Variants in ST8SIA6 observed in about 807,000 individuals in gnomAD.
ST8SIA6 encodes the protein ST8 alpha-N-acetyl-neuraminide alpha-2,8-sialyltransferase 6.
Under a neutral mutation model 33.6 loss-of-function variants are expected in ST8SIA6, and 39 were observed. That is an observed-to-expected ratio of 1.16 (90% CI 0.90 to 1.52). The LOEUF (loss-of-function observed/expected upper bound fraction) is 1.52, where lower values mean the gene tolerates loss of function less well. Ranked by LOEUF, ST8SIA6 falls within the 40% of genes most tolerant of loss-of-function variation. ST8SIA6 has a pLI of 0.00. For synonymous variants in ST8SIA6, 172 were observed against 167.2 expected, an observed-to-expected ratio of 1.03 and a Z score of -0.22; for missense variants, 441 against 443.8, an observed-to-expected ratio of 0.99 and a Z score of 0.06.
At chr10:17,331,295 A>G (rs750530930) in intron 5 of ST8SIA6, 113 bp downstream of exon 5, 124 of 1,339,288 alleles carry the variant, frequency 9.3e-5, no homozygotes, top group Middle Eastern at 2.6e-4. Context: ...TTTATACAAC[A>G]TAACAATATG....
chr10:17,321,260 G>GAAAATGCTGGCAGAAGAA lies in ST8SIA6; in HGVS notation c.797_814dup (p.Phe266_Phe271dup). ...AGAGGTACCCGTGTTGGCCCTGAAG[G>GAAAATGCTGGCAGAAGAA]AAAATGCTGGCAGAAGAAAAAATGC... On this transcript the variant is annotated inframe_insertion, in exon 8 of 8. Coordinates refer to ENST00000377602, the MANE Select transcript of ST8SIA6 (RefSeq NM_001004470.3). The GAAAATGCTGGCAGAAGAA allele has an allele frequency of 6.2e-7, 1 of 1,613,916 alleles. No individual in the cohort carries two copies. Among genetic ancestry groups the GAAAATGCTGGCAGAAGAA allele is most frequent in the Non-Finnish European group, 8.5e-7 (1 of 1,179,910 alleles).
intron 2 of ST8SIA6, among the ~76,000 whole-genome samples, chr10:17,415,815 T>C (rs1444007334): frequency 6.8e-6 from 1 of 145,998 alleles, no homozygotes; most frequent in Non-Finnish European, 1.5e-5. Flanking sequence ...TTTTTTTTTT[T>C]TTTTTTTTTT....
intron 6 of ST8SIA6, among the ~76,000 whole-genome samples, chr10:17,325,430 A>AAT (rs1212390982): frequency 1.3e-5 from 1 of 76,422 alleles, no homozygotes; most frequent in African/African-American, 5.6e-5. Context: ...CTACTACTGT[A>AAT]ATATATATGT....
intron 3 of ST8SIA6, 89 bp downstream of exon 3, chr10:17,390,442 A>G (rs368370124): frequency 9.6e-6 from 11 of 1,141,122 alleles, no homozygotes; most frequent in African/African-American, 7.7e-5. Context: ...ACAGTCTCAT[A>G]TTCCAAATGA....
chr10:17,323,076 G>C lies in ST8SIA6; in HGVS notation c.717C>G (p.Ile239Met). ...TTGCAGCTACTTACTTCAGAGTTAT[G>C]ATGCTTGGATTTATAGTCACAAGAT... The part of the protein sequence containing the change: ...KTNLVTINPS[I>M]ITLKYGNLKE... Residue 239 changes from isoleucine to methionine, a missense_variant, in exon 7 of 8, where the codon ATC (isoleucine) becomes ATG (methionine). Transcript: ENST00000377602. The C allele has an allele frequency of 6.2e-7, 1 of 1,612,638 alleles. No homozygotes were observed. The highest frequency in any genetic ancestry group is 8.5e-7 in the Non-Finnish European group (1 of 1,179,110).
At chr10:17,363,290 A>ATGTG (rs79432164) in intron 3 of ST8SIA6, among the ~76,000 whole-genome samples, 31,315 of 150,816 alleles carry the variant, frequency 0.21, 3,442 homozygotes, top group East Asian at 0.5. Context: ...AGGCATGCAT[A>ATGTG]TGTGTGTGTG....
rs1458163799 is a variant in ST8SIA6 at position 17,341,910 on chromosome 10, A to AAAC, written c.378-10359_378-10358insGTT. Among the ~76,000 whole-genome samples the AAAC allele has an allele frequency of 2.7e-5, 4 of 150,790 alleles. No homozygotes were observed. In the South Asian group the frequency reaches 6.3e-4, roughly 24 times the overall value. ...AGCAAGGCTCCATCTCAAAAAAAAA[A>AAAC]AAAAAAAAAAACAAAAAGAAAGAAA... is the stretch of plus-strand genomic sequence containing the variant. On this transcript the variant is annotated intron_variant, in intron 4 of 7. Transcript: ENST00000377602.
intron 2 of ST8SIA6, among the ~76,000 whole-genome samples, chr10:17,416,439 C>T (rs1237246399): frequency 2.0e-5 from 3 of 152,190 alleles, no homozygotes; most frequent in African/African-American, 7.2e-5. Flanking sequence ...TTTATATGGT[C>T]GAAATGCCCA....
At chr10:17,333,709 A>C (rs1383079536) in intron 4 of ST8SIA6, among the ~76,000 whole-genome samples, 29 of 26,066 alleles carry the variant, frequency 1.1e-3, no homozygotes, top group African/African-American at 6.1e-3. Context: ...ATATATATAT[A>C]TATATATATT....
intron 2 of ST8SIA6, among the ~76,000 whole-genome samples, chr10:17,391,525 G>A (rs745686056): frequency 1.3e-5 from 2 of 152,258 alleles, no homozygotes; most frequent in South Asian, 4.1e-4. Context: ...GCCTCCCAAA[G>A]TGCTGGGATT....
intron 6 of ST8SIA6, 93 bp from the exon 7 acceptor site, chr10:17,323,250 C>CA: frequency 2.8e-6 from 2 of 722,194 alleles, no homozygotes; most frequent in Non-Finnish European, 4.5e-6. Context: ...CACACACACA[C>CA]CTATCTATAA....
At chr10:17,449,165 C>CA (rs1236767530) in intron 2 of ST8SIA6, among the ~76,000 whole-genome samples, 1 of 149,818 alleles carries the variant, frequency 6.7e-6, no homozygotes, top group Non-Finnish European at 1.5e-5. Context: ...ATTTTTGTTA[C>CA]AAAAAAGAGG....
chr10:17,409,764 A>G (rs150050751), intron 2 of ST8SIA6: 2,654 of 152,772 alleles, frequency 0.017, 77 homozygotes, highest in African/African-American at 0.06. Flanking sequence ...AATCCCAGCT[A>G]CTCGGGAGGC....
intron 4 of ST8SIA6, among the ~76,000 whole-genome samples, chr10:17,359,242 C>T (rs1289029177): frequency 6.6e-6 from 1 of 152,112 alleles, no homozygotes; most frequent in East Asian, 1.9e-4. Flanking sequence ...AAAAACACAA[C>T]ATCTTCTAAA....
rs558237685 is a variant in ST8SIA6 at position 17,321,113 on chromosome 10, A to G, written c.962T>C (p.Leu321Ser). Reference sequence around the variant, plus strand: ...ACTTGTGATCATCAAGCCGGTGGACAAGCGGTATGCAGTCACACCTTTAGT... The same window carrying G: ...ACTTGTGATCATCAAGCCGGTGGACGAGCGGTATGCAGTCACACCTTTAGT... ...WRTKGVTAYR[L>S]STGLMITSVA... Residue 321 changes from leucine (L) to serine (S), a missense_variant, in exon 8 of 8, where the codon TTG (leucine) becomes TCG (serine). Physicochemically the swap from Leu to Ser is moderately radical, Grantham distance 145. Coordinates refer to ENST00000377602, the MANE Select transcript of ST8SIA6 (RefSeq NM_001004470.3). The G allele has an allele frequency of 1.9e-6, 3 of 1,614,156 alleles. No homozygotes were observed. In the African/African-American group the frequency reaches 4.0e-5, roughly 22 times the overall value.
At chr10:17,386,828 A>C (rs559053059) in intron 3 of ST8SIA6, 1 of 152,148 alleles carries the variant, frequency 6.6e-6, no homozygotes, top group Non-Finnish European at 1.5e-5. Context: ...GCTACGTGAT[A>C]CCCGGTAGGC....
At position 17,317,069 on chromosome 10, in the gene ST8SIA6, G is replaced by A. The variant is rs751097121; in HGVS notation, c.*3809C>T. ...ATAATTCTCCTACATTTTCTTCTAT[G>A]AGCTTTAAAGTTTTCTTTTTAATCC... On this transcript the variant is annotated 3_prime_UTR_variant, in exon 8 of 8. Transcript: ENST00000377602. Among the ~76,000 whole-genome samples, 1 of 152,076 alleles carries A rather than the reference G, an allele frequency of 6.6e-6. No individual in the cohort carries two copies.
intron 2 of ST8SIA6, among the ~76,000 whole-genome samples, chr10:17,418,470 A>G (rs1270256463): frequency 1.3e-5 from 2 of 152,210 alleles, no homozygotes; most frequent in Non-Finnish European, 2.9e-5. Flanking sequence ...TGTGATTTCA[A>G]CAAGGTTACA....
chr10:17,402,169 C>A (rs1180746100), intron 2 of ST8SIA6, among the ~76,000 whole-genome samples: 7 of 152,168 alleles, frequency 4.6e-5, no homozygotes, highest in African/African-American at 1.7e-4. Context: ...CCAACAGACA[C>A]ATGAAAAAAT....
Sources: allele counts gnomAD v4.1 joint callset (sites outside exome capture counted in the v4.1 genomes callset), GRCh38; gene constraint gnomAD v4.1.1; transcripts MANE v1.5; gene names NCBI Gene and HGNC (gene_info 2026-07-23, HGNC 2026-07-21).